SLC8A3: variants seen among roughly 807,000 people sequenced by gnomAD.
SLC8A3 encodes the protein solute carrier family 8 member A3.
In SLC8A3, 37 loss-of-function variants were observed where a neutral mutation model predicts 65.4. The observed-to-expected ratio is 0.57, with a 90% confidence interval of 0.44 to 0.74. The LOEUF is 0.74. Among genes scored for constraint, SLC8A3 ranks in the 30% least tolerant of loss-of-function variants. The probability of loss-of-function intolerance (pLI) is 0.00; values close to 1 mark genes in which losing one functional copy is unlikely to be tolerated. For synonymous variants in SLC8A3, 461 were observed against 444.5 expected, an observed-to-expected ratio of 1.04 and a Z score of -0.47; for missense variants, 1,112 against 1,172.1, an observed-to-expected ratio of 0.95 and a Z score of 0.75.
At chr14:70,047,215 G>T (rs1192743881) in intron 6 of SLC8A3, 1 of 152,210 alleles carries the variant, frequency 6.6e-6, no homozygotes, top group African/African-American at 2.4e-5. Context: ...ACTTGGAGAT[G>T]CCCAAAGGTA....
intron 2 of SLC8A3, among the ~76,000 whole-genome samples, chr14:70,162,045 A>C (rs574919295): frequency 6.9e-6 from 1 of 145,972 alleles, no homozygotes; most frequent in Admixed American, 6.8e-5. Context: ...TCCGTGGGCT[A>C]TTTTCCTTCC....
chr14:70,103,085 A>C (rs1462750287), intron 2 of SLC8A3, among the ~76,000 whole-genome samples: 1 of 152,104 alleles, frequency 6.6e-6, no homozygotes, highest in African/African-American at 2.4e-5. Context: ...CATTGTGTAT[A>C]GAGAAAGAGC....
At chr14:70,094,489 A>G (rs1718609185) in intron 2 of SLC8A3, among the ~76,000 whole-genome samples, 2 of 152,240 alleles carry the variant, frequency 1.3e-5, no homozygotes, top group South Asian at 4.1e-4. Context: ...TGATTCCACA[A>G]ATGAAAATAT....
In SLC8A3 at chr14:70,188,640, C is replaced by T. The variant is rs1201309742; in HGVS notation, c.-324G>A. 6.6e-6 allele frequency: 1 copy of T among 152,144 alleles called. No individual in the cohort carries two copies. Among genetic ancestry groups the T allele is most frequent in the Non-Finnish European group, 1.5e-5 (1 of 68,040 alleles). 9.4% of individuals were successfully genotyped at this position (152,144 alleles called of 1,614,324 possible). A position where few individuals can be genotyped will look rare whatever the true frequency, so the allele number is the denominator to read the frequency against. ...GGAGGGAGGGTGTCTGGGGCCAGGG[C>T]GAGGGGCCCCGGGAGGGGTCCTTCC... is the stretch of plus-strand genomic sequence containing the variant. On this transcript the variant is annotated 5_prime_UTR_variant, in exon 1 of 7. Coordinates refer to ENST00000356921, the MANE Select transcript of SLC8A3 (RefSeq NM_182932.3).
At chr14:70,049,569 G>A (rs746033433) in intron 5 of SLC8A3, among the ~76,000 whole-genome samples, 12 of 151,844 alleles carry the variant, frequency 7.9e-5, no homozygotes, top group Non-Finnish European at 1.6e-4. Flanking sequence ...GCCATGGCAC[G>A]TGTATACCTA....
chr14:70,143,935 C>T (rs1895734677), intron 2 of SLC8A3, among the ~76,000 whole-genome samples: 1 of 152,162 alleles, frequency 6.6e-6, no homozygotes, highest in South Asian at 2.1e-4. Flanking sequence ...TGGTCCTCTC[C>T]CTCTTCTTCC....
At chr14:70,112,299 C>T (rs947299287) in intron 2 of SLC8A3, among the ~76,000 whole-genome samples, 4 of 152,128 alleles carry the variant, frequency 2.6e-5, no homozygotes, top group Non-Finnish European at 5.9e-5. Context: ...ATCAGTGTCT[C>T]GGAATAAATC....
chr14:70,071,658 T>G (rs1269742285), intron 2 of SLC8A3, among the ~76,000 whole-genome samples: 2 of 152,140 alleles, frequency 1.3e-5, no homozygotes, highest in African/African-American at 4.8e-5. Context: ...ACACCTTGAT[T>G]TCAGTCTCAC....
chr14:70,092,580 C>T (rs1371987738), intron 2 of SLC8A3, among the ~76,000 whole-genome samples: 1 of 152,186 alleles, frequency 6.6e-6, no homozygotes, highest in Non-Finnish European at 1.5e-5. Context: ...ACATTGTTCA[C>T]ATGGGAGTGG....
chr14:70,167,743 C>G lies in SLC8A3; in HGVS notation c.680G>C (p.Gly227Ala), dbSNP rs144172629. 1.2e-6 allele frequency: 2 copies of G among 1,614,128 alleles called. No individual in the cohort carries two copies. The highest frequency in any genetic ancestry group is 1.7e-5 in the Admixed American group (1 of 60,012). Reference protein sequence around the residue: ...LYMILAVFSPGVVQVWEGLLT... With the variant: ...LYMILAVFSPAVVQVWEGLLT... ...GAGGCCTTCCCAAACCTGGACCACACCAGGGGAGAAGACTGCCAGAATCAT... is the reference window on the plus strand; with the variant it reads ...GAGGCCTTCCCAAACCTGGACCACAGCAGGGGAGAAGACTGCCAGAATCAT... Residue 227 changes from glycine to alanine, a missense_variant, in exon 2 of 7, where the codon GGT becomes GCT. Coordinates refer to ENST00000356921, the MANE Select transcript of SLC8A3 (RefSeq NM_182932.3).
At chr14:70,169,686 A>AC (rs1897376315) in intron 1 of SLC8A3, among the ~76,000 whole-genome samples, 1 of 107,044 alleles carries the variant, frequency 9.3e-6, no homozygotes, top group African/African-American at 3.6e-5. Flanking sequence ...AAAAAAAAAA[A>AC]AAAGTGGGGG....
At chr14:70,187,599 C>CTGTGTGTGTGTGTGTGTG (rs3053393) in intron 1 of SLC8A3, among the ~76,000 whole-genome samples, 4 of 118,206 alleles carry the variant, frequency 3.4e-5, no homozygotes, top group Non-Finnish European at 7.0e-5. Flanking sequence ...AGGGCTTTGA[C>CTGTGTGTGTGTGTGTGTG]TGTGTGTGTG....
In SLC8A3 at chr14:70,167,772, G is replaced by C. The variant is rs759488809; in HGVS notation, c.651C>G (p.Leu217=). 18 of 1,614,130 alleles carry C rather than the reference G, an allele frequency of 1.1e-5. No individual in the cohort carries two copies. The highest frequency in any genetic ancestry group is 1.4e-5 in the Non-Finnish European group (17 of 1,180,030). ...AAWSIFAYIW[L]YMILAVFSPG... ...GGGAGAAGACTGCCAGAATCATATA[G>C]AGCCAGATGTAGGCAAAGATACTCC... The change falls in exon 2 of 7, where the codon CTC becomes CTG. Residue 217 remains leucine, a synonymous_variant. Transcript: ENST00000356921.
intron 2 of SLC8A3, among the ~76,000 whole-genome samples, chr14:70,145,835 T>C (rs1382229127): frequency 6.6e-6 from 1 of 152,066 alleles, no homozygotes; most frequent in African/African-American, 2.4e-5. Flanking sequence ...CAAGCTGTGG[T>C]TAGCAGGGTA....
intron 2 of SLC8A3, among the ~76,000 whole-genome samples, chr14:70,135,396 T>C (rs1412354002): frequency 1.3e-5 from 2 of 152,140 alleles, no homozygotes; most frequent in African/African-American, 2.4e-5. Flanking sequence ...TGGGTATATA[T>C]CCAAAAGAAA....
At chr14:70,177,972 G>A (rs75412627) in intron 1 of SLC8A3, among the ~76,000 whole-genome samples, 152 of 152,294 alleles carry the variant, frequency 1.0e-3, no homozygotes, top group South Asian at 2.1e-3. Context: ...TGGGAAAAGG[G>A]CTGCTGGGGA....
At chr14:70,174,220 G>T (rs1897724242) in intron 1 of SLC8A3, among the ~76,000 whole-genome samples, 1 of 152,230 alleles carries the variant, frequency 6.6e-6, no homozygotes, top group Non-Finnish European at 1.5e-5. Flanking sequence ...CTTTCTAGAT[G>T]TGGAGGCCCC....
At chr14:70,123,609 C>T (rs1894233720) in intron 2 of SLC8A3, among the ~76,000 whole-genome samples, 1 of 151,874 alleles carries the variant, frequency 6.6e-6, no homozygotes, top group South Asian at 2.1e-4. Flanking sequence ...GTCACCACAC[C>T]CGGCTAATTT....
At chr14:70,136,591 A>G (rs183579663) in intron 2 of SLC8A3, among the ~76,000 whole-genome samples, 5 of 152,136 alleles carry the variant, frequency 3.3e-5, no homozygotes, top group Admixed American at 6.5e-5. Context: ...CCAGCCCTTC[A>G]TGTGTTCCAT....
Sources: gnomAD v4.1 joint callset for allele counts (sites outside exome capture counted in the v4.1 genomes callset) on GRCh38, gnomAD v4.1.1 for gene constraint, MANE v1.5 for transcripts, NCBI Gene and HGNC (gene_info 2026-07-23, HGNC 2026-07-21) for gene names.